Variants in APBA3 observed in about 807,000 individuals in gnomAD.
APBA3 encodes amyloid beta precursor protein binding family A member 3.
APBA3 carries 45 observed loss-of-function variants against 55.9 expected under a neutral mutation model. The observed-to-expected ratio is 0.80, with a 90% CI of 0.63 to 1.03. The LOEUF (loss-of-function observed/expected upper bound fraction) is 1.03. APBA3 is among the 50% of genes least tolerant of loss of function. APBA3 has a pLI of 0.00. For missense variants in APBA3, 865 were observed against 820.3 expected (o/e 1.05, Z -0.67); for synonymous variants, 370 against 353.3 (o/e 1.05, Z -0.53).
At chr19:3,757,765 C>A (rs781092217) in intron 3 of APBA3, among the ~76,000 whole-genome samples, 4 of 152,092 alleles carry the variant, frequency 2.6e-5, no homozygotes, top group Non-Finnish European at 5.9e-5. Flanking sequence ...CAGGGCTTGG[C>A]AAACATTTTC....
At chr19:3,754,472 G>T in intron 3 of APBA3, 132 bp from the exon 4 acceptor site, 1 of 1,240,582 alleles carries the variant, frequency 8.1e-7, no homozygotes, top group Non-Finnish European at 1.1e-6. Flanking sequence ...CAGCCAGGAA[G>T]CACAGCCCAC....
chr19:3,751,112 C>A lies in APBA3; in HGVS notation c.1657-15G>T. The stretch of plus-strand genomic sequence containing the variant: ...TTGATATGCACCTGGGGAGTGGAGG[C>A]GGAACGGGGCTCAGGGCAGGCCTGG... On this transcript the variant is annotated splice_polypyrimidine_tract_variant and intron_variant, in intron 10 of 10. Coordinates refer to ENST00000316757, the MANE Select transcript of APBA3 (RefSeq NM_004886.4). The A allele has an allele frequency of 1.9e-6, 3 of 1,564,386 alleles. No individual in the cohort carries two copies. The highest frequency in any genetic ancestry group is 2.6e-6 in the Non-Finnish European group (3 of 1,154,144).
rs1331623620 is a variant in APBA3, at chr19:3,752,596, C to G, written c.1307G>C (p.Gly436Ala). The G allele has an allele frequency of 6.3e-7, 1 of 1,585,862 alleles. No homozygotes were observed. The highest frequency in any genetic ancestry group is 1.3e-5 in the African/African-American group (1 of 74,768). The change falls in exon 8 of 11, where the codon GGG (glycine) becomes GCG (alanine). Residue 436 changes from glycine (G) to alanine (A), a missense_variant. Physicochemically the swap from Gly to Ala is moderately conservative, Grantham distance 60. Coordinates refer to ENST00000316757, the MANE Select transcript of APBA3 (RefSeq NM_004886.4). ...CAGGCGGTCCCCGATGCTGAGGGCC[C>G]CCGAGCGCTCAGCAGGCCCCCCGTG... is the stretch of plus-strand genomic sequence containing the variant. ...LLHGGPAERS[G>A]ALSIGDRLTA...
At position 3,754,076 on chromosome 19, in the gene APBA3, C is replaced by T. The variant is rs143355076; in HGVS notation, c.792G>A (p.Thr264=). 116 of 1,609,820 alleles carry T rather than the reference C, an allele frequency of 7.2e-5. No individual in the cohort carries two copies. In the South Asian group the frequency reaches 8.6e-4, roughly 12 times the overall value. ...TGGTGGAGACGAACAGGTCCACCTCCGTCATGGGCTGGGTCTCCCCATCGG... is the reference window on the plus strand; with the variant it reads ...TGGTGGAGACGAACAGGTCCACCTCTGTCATGGGCTGGGTCTCCCCATCGG... The part of the protein sequence containing the change: ...KAPDGETQPM[T]EVDLFVSTKR... The change falls in exon 5 of 11, where the codon ACG becomes ACA. Residue 264 remains threonine, a synonymous_variant. Transcript: ENST00000316757.
At chr19:3,753,546 T>G in intron 6 of APBA3, 1 of 511,182 alleles carries the variant, frequency 2.0e-6, no homozygotes, top group East Asian at 3.1e-5. Flanking sequence ...CTAGAGAGGC[T>G]GAAGTGGGAG....
intron 5 of APBA3, 37 bp downstream of exon 5, chr19:3,753,982 C>A (rs374472856): frequency 3.8e-6 from 6 of 1,587,432 alleles, no homozygotes; most frequent in Non-Finnish European, 5.1e-6. Context: ...GCTCGATCAC[C>A]CCACCCGCAT....
rs80099743 is a variant in APBA3, at chr19:3,759,700, C to T, written c.565G>A (p.Ala189Thr). Residue 189 changes from alanine (A) to threonine (T), a missense_variant, in exon 2 of 11, where the codon GCT (alanine) becomes ACT (threonine). Ala to Thr is a moderately conservative substitution (Grantham distance 58). Transcript: ENST00000316757. Reference sequence around the variant, plus strand: ...GGGGCGGGCACTACCTGGGCACCAGCGGGTGGCTCTTCAGGTGTGACTAGA... The same window carrying T: ...GGGGCGGGCACTACCTGGGCACCAGTGGGTGGCTCTTCAGGTGTGACTAGA... ...VPLVTPEEPP[A>T]GAQSPETLAS... 3,443 of 1,612,024 alleles carry T rather than the reference C, an allele frequency of 2.1e-3. 61 individuals are homozygous for T. The African/African-American group carries it at 0.04, about 19-fold the overall frequency.
chr19:3,751,284 G>A lies in APBA3; in HGVS notation c.1561C>T (p.Arg521Cys), dbSNP rs1157453351. 5 of 1,542,246 alleles carry A rather than the reference G, an allele frequency of 3.2e-6. No homozygotes were observed. The highest frequency in any genetic ancestry group is 1.4e-5 in the African/African-American group (1 of 73,050). ...RGGIAERGGI[R>C]VGHRIIEING... ...ATCTCAATGATGCGGTGGCCGACGC[G>A]GATGCCCCCACGCTCGGCGATGCCA... Residue 521 changes from arginine to cysteine, a missense_variant, in exon 10 of 11, where the codon CGC (arginine) becomes TGC (cysteine). Transcript: ENST00000316757.
chr19:3,753,658 T>A (rs12609548), intron 6 of APBA3, 107 bp downstream of exon 6: 624,228 of 1,161,994 alleles, frequency 0.54, 169,553 homozygotes, highest in East Asian at 0.68. Flanking sequence ...AAAAAGAATT[T>A]AAAAATAAGC....
chr19:3,752,922 G>A lies in APBA3; in HGVS notation c.1080C>T (p.Ser360=), dbSNP rs758467400. The change falls in exon 7 of 11, where the codon AGC becomes AGT. Residue 360 remains serine (S), a synonymous_variant. Coordinates refer to ENST00000316757, the MANE Select transcript of APBA3 (RefSeq NM_004886.4). ...AAAYSQFLRE[S]GIDPSQVGVH... The stretch of plus-strand genomic sequence containing the variant: ...CGCCCACCTGGCTGGGGTCAATACC[G>A]CTTTCCCGTAGGAACTGGCTGTAGG... 24 of 1,613,282 alleles carry A rather than the reference G, an allele frequency of 1.5e-5. No individual in the cohort carries two copies. Among genetic ancestry groups the A allele is most frequent in the Middle Eastern group, 1.6e-4 (1 of 6,084 alleles).
In APBA3 at chr19:3,759,626, G is replaced by T. The variant is rs555392347; in HGVS notation, c.577-26C>A. 4.9e-5 allele frequency: 78 copies of T among 1,604,210 alleles called. 1 individual carries two copies. The South Asian group carries it at 8.2e-4, about 17-fold the overall frequency. On this transcript the variant is annotated intron_variant, in intron 2 of 10. Coordinates refer to ENST00000316757, the MANE Select transcript of APBA3 (RefSeq NM_004886.4). Reference sequence around the variant, plus strand: ...CTGGAAGAAGATAGAGGAGGGGCAGGACTGAGTCTCCCTGCTTGGTTCCAG... The same window carrying T: ...CTGGAAGAAGATAGAGGAGGGGCAGTACTGAGTCTCCCTGCTTGGTTCCAG...
chr19:3,760,314 G>T lies in APBA3; in HGVS notation c.-37-13C>A. ...CATCTTCAGGCAGCTGAAAGAGAGA[G>T]AGTCAGCACTGAGGTTTCGCCCGGG... On this transcript the variant is annotated splice_polypyrimidine_tract_variant and intron_variant, in intron 1 of 10. Transcript: ENST00000316757. The T allele has an allele frequency of 6.6e-7, 1 of 1,510,092 alleles. No homozygotes were observed. Among genetic ancestry groups the T allele is most frequent in the Non-Finnish European group, 8.8e-7 (1 of 1,132,116 alleles). 93.5% of individuals were successfully genotyped at this position (1,510,092 alleles called of 1,614,324 possible). A position where few individuals can be genotyped will look rare whatever the true frequency, so the allele number is the denominator to read the frequency against.
chr19:3,751,557 TG>T lies in APBA3; in HGVS notation c.1396-5del. On this transcript the variant is annotated splice_region_variant and splice_polypyrimidine_tract_variant and intron_variant, in intron 8 of 10. Coordinates refer to ENST00000316757, the MANE Select transcript of APBA3 (RefSeq NM_004886.4). ...CCGACGTCTGCGACTTCGTCTCCTG[TG>T]GGGCGGGGGCCGTTGGCCTCACTCA... The T allele has an allele frequency of 6.3e-7, 1 of 1,585,724 alleles. No homozygotes were observed. Among genetic ancestry groups the T allele is most frequent in the South Asian group, 1.1e-5 (1 of 87,552 alleles).
intron 3 of APBA3, among the ~76,000 whole-genome samples, chr19:3,757,637 CAGG>C (rs1463205267): frequency 1.3e-5 from 2 of 152,030 alleles, no homozygotes; most frequent in African/African-American, 4.8e-5. Flanking sequence ...GAGGCTGAAG[CAGG>C]AGAATCACTT....
chr19:3,758,006 C>T (rs1391257043), intron 3 of APBA3, among the ~76,000 whole-genome samples: 2 of 152,184 alleles, frequency 1.3e-5, no homozygotes, highest in African/African-American at 4.8e-5. Context: ...GTGATCTCAG[C>T]TCACCGCAAC....
At position 3,752,505 on chromosome 19, in the gene APBA3, C is replaced by G. The variant is rs750805653; in HGVS notation, c.1395+3G>C. The G allele has an allele frequency of 4.5e-6, 7 of 1,567,102 alleles. No individual in the cohort carries two copies. In the East Asian group the frequency reaches 1.4e-4, roughly 31 times the overall value. ...GGGGGCCCTGCCACACCAGGAAACT[C>G]ACGCGGACAGCGGCCTGGCACGCAG... On this transcript the variant is annotated splice_donor_region_variant and intron_variant, in intron 8 of 10. Coordinates refer to ENST00000316757, the MANE Select transcript of APBA3 (RefSeq NM_004886.4).
In APBA3 at chr19:3,751,553, C is replaced by T. The variant is rs1318126878; in HGVS notation, c.1396G>A (p.Glu466Lys). 1.9e-6 allele frequency: 3 copies of T among 1,587,728 alleles called. No homozygotes were observed. The highest frequency in any genetic ancestry group is 1.1e-5 in the South Asian group (1 of 87,722). The change falls in exon 9 of 11, where the codon GAG becomes AAG. Residue 466 changes from glutamate to lysine, a missense_variant and splice_region_variant. By Grantham distance (56) the Glu-to-Lys change is moderately conservative. Transcript: ENST00000316757. ...PLAACQAAVRETKSQTSVTLS... is the reference protein window; with the variant it reads ...PLAACQAAVRKTKSQTSVTLS... ...GTCACCGACGTCTGCGACTTCGTCT[C>T]CTGTGGGGCGGGGGCCGTTGGCCTC...
chr19:3,754,505 C>A (rs2037053031), intron 3 of APBA3, 165 bp from the exon 4 acceptor site: 2 of 919,184 alleles, frequency 2.2e-6, no homozygotes, highest in Non-Finnish European at 3.1e-6. Context: ...ATCCAAGCAG[C>A]CTGGCCCTCA....
chr19:3,754,970 C>G (rs959624252), intron 3 of APBA3: 3 of 152,342 alleles, frequency 2.0e-5, no homozygotes, highest in Admixed American at 6.6e-5. Context: ...CTCCACCCCC[C>G]ACTCCAATTT....
Sources: gnomAD v4.1 joint callset for allele counts (sites outside exome capture counted in the v4.1 genomes callset) on GRCh38, gnomAD v4.1.1 for gene constraint, MANE v1.5 for transcripts, NCBI Gene and HGNC (gene_info 2026-07-23, HGNC 2026-07-21) for gene names.